Variants in SSBP2 observed in about 807,000 individuals in gnomAD.
SSBP2 encodes single-stranded DNA-binding protein 2.
A neutral mutation model predicts 61.8 loss-of-function variants in SSBP2; 17 were observed. The ratio of observed to expected loss-of-function variants is 0.28; its 90% CI spans 0.19 to 0.41. The LOEUF is 0.41. Among genes scored for constraint, SSBP2 ranks in the 10% least tolerant of loss-of-function variants. The probability of loss-of-function intolerance (pLI) is 1.00; values close to 1 mark genes in which losing one functional copy is unlikely to be tolerated. For synonymous variants in SSBP2, 139 were observed against 141.3 expected (o/e 0.98, Z 0.12); for missense variants, 310 against 458.7 (o/e 0.68, Z 2.96).
At chr5:81,594,191 C>A (rs1743453415) in intron 4 of SSBP2, among the ~76,000 whole-genome samples, 1 of 152,078 alleles carries the variant, frequency 6.6e-6, no homozygotes, top group African/African-American at 2.4e-5. Context: ...GGGTTGCAAT[C>A]CTAGTTTCTG....
intron 1 of SSBP2, among the ~76,000 whole-genome samples, chr5:81,749,373 T>A (rs1203693508): frequency 6.6e-6 from 1 of 152,218 alleles, no homozygotes; most frequent in Non-Finnish European, 1.5e-5. Flanking sequence ...GAATTGAGTG[T>A]GTTGCTGCCA....
intron 1 of SSBP2, among the ~76,000 whole-genome samples, chr5:81,711,632 T>C (rs1754781799): frequency 2.0e-5 from 3 of 151,580 alleles, no homozygotes; most frequent in African/African-American, 4.8e-5. Flanking sequence ...ATACTATTTA[T>C]GATAAATAAA....
At chr5:81,628,215 T>G (rs924637258) in intron 3 of SSBP2, among the ~76,000 whole-genome samples, 3 of 152,174 alleles carry the variant, frequency 2.0e-5, no homozygotes, top group African/African-American at 7.2e-5. Flanking sequence ...CAGATTCACA[T>G]GGCGACAGCA....
rs761645168 is a variant in SSBP2, at chr5:81,428,682, T to C, written c.959A>G (p.Asn320Ser). 1.9e-6 allele frequency: 3 copies of C among 1,611,034 alleles called. No individual in the cohort carries two copies. The highest frequency in any genetic ancestry group is 1.7e-5 in the Admixed American group (1 of 60,000). Residue 320 changes from asparagine to serine, a missense_variant and splice_region_variant, in exon 16 of 17, where the codon AAT becomes AGT. Physicochemically the swap from Asn to Ser is conservative, Grantham distance 46. Transcript: ENST00000320672. ...ACTCAGGCTCATATTATTGGGAGAA[T>C]TCTGTAAACAAGATTTAGAAAACAA...
chr5:81,725,282 C>T (rs920463083), intron 1 of SSBP2, among the ~76,000 whole-genome samples: 2 of 151,790 alleles, frequency 1.3e-5, no homozygotes, highest in African/African-American at 2.4e-5. Context: ...ACTAACCTCA[C>T]TAATAATCAG....
At chr5:81,750,891 A>G in intron 1 of SSBP2, 90 bp downstream of exon 1, 7 of 1,211,756 alleles carry the variant, frequency 5.8e-6, no homozygotes, top group Admixed American at 2.2e-5. Context: ...CCCCGGGCGG[A>G]GAGTGTCTGT....
rs1744453101 is a variant in SSBP2 at position 81,602,394 on chromosome 5, T to TG, written c.282+13078dup. 1.3e-5 allele frequency among the ~76,000 whole-genome samples: 2 copies of TG among 152,214 alleles called. 1 individual carries two copies. Among genetic ancestry groups the TG allele is most frequent in the South Asian group, 4.1e-4 (2 of 4,832 alleles). On this transcript the variant is annotated intron_variant, in intron 4 of 16. Transcript: ENST00000320672. Reference sequence around the variant, plus strand: ...CTCAGGCAGAAGTCCTTCTCTACCTTGGGCTCCCTGTGAGGCTGCTGTGGA... The same window carrying TG: ...CTCAGGCAGAAGTCCTTCTCTACCTTGGGGCTCCCTGTGAGGCTGCTGTGGA...
chr5:81,529,494 G>A (rs765483723), intron 4 of SSBP2, among the ~76,000 whole-genome samples: 3 of 152,228 alleles, frequency 2.0e-5, no homozygotes, highest in East Asian at 1.9e-4. Flanking sequence ...AGGCTCAACC[G>A]TCTTCATATT....
At chr5:81,696,711 C>T (rs754388997) in intron 1 of SSBP2, among the ~76,000 whole-genome samples, 3 of 152,110 alleles carry the variant, frequency 2.0e-5, no homozygotes, top group Non-Finnish European at 4.4e-5. Context: ...ATTTACATAC[C>T]ACCTTTTGAA....
At chr5:81,429,509 T>G (rs991410156) in intron 15 of SSBP2, among the ~76,000 whole-genome samples, 8 of 152,328 alleles carry the variant, frequency 5.3e-5, no homozygotes, top group African/African-American at 1.9e-4. Context: ...GACATTGGAC[T>G]ATAAACCATG....
intron 15 of SSBP2, among the ~76,000 whole-genome samples, chr5:81,433,592 TAAAAAAA>T (rs532034844): frequency 9.6e-6 from 1 of 104,006 alleles, no homozygotes; most frequent in Non-Finnish European, 2.2e-5. Context: ...GAATGATCAA[TAAAAAAA>T]AAAAAAAAAA....
chr5:81,721,634 C>G (rs1755549805), intron 1 of SSBP2, among the ~76,000 whole-genome samples: 1 of 152,030 alleles, frequency 6.6e-6, no homozygotes, highest in Admixed American at 6.6e-5. Flanking sequence ...AAAAACTAGG[C>G]AGCCATGAAG....
intron 6 of SSBP2, among the ~76,000 whole-genome samples, chr5:81,475,257 A>C (rs1033907149): frequency 1.3e-5 from 2 of 152,176 alleles, no homozygotes; most frequent in African/African-American, 2.4e-5. Flanking sequence ...ACATATACAT[A>C]AAATCCTGAC....
intron 2 of SSBP2, among the ~76,000 whole-genome samples, chr5:81,646,323 T>G (rs962613385): frequency 6.6e-6 from 1 of 152,206 alleles, no homozygotes; most frequent in Non-Finnish European, 1.5e-5. Flanking sequence ...AATGTTATAA[T>G]AATTGATAAC....
At chr5:81,713,072 T>C (rs898198682) in intron 1 of SSBP2, among the ~76,000 whole-genome samples, 10 of 151,768 alleles carry the variant, frequency 6.6e-5, no homozygotes, top group African/African-American at 1.2e-4. Flanking sequence ...GGATGAAGAG[T>C]CCACCAGATG....
At chr5:81,530,126 A>G (rs1353680072) in intron 4 of SSBP2, among the ~76,000 whole-genome samples, 1 of 152,070 alleles carries the variant, frequency 6.6e-6, no homozygotes, top group Admixed American at 6.6e-5. Context: ...CAGAGGAAGA[A>G]TAAGGATCCT....
At position 81,710,434 on chromosome 5, in the gene SSBP2, A is replaced by G. The variant is rs527565135; in HGVS notation, c.62+40547T>C. 7.2e-5 allele frequency among the ~76,000 whole-genome samples: 11 copies of G among 152,180 alleles called. No individual in the cohort carries two copies. In the East Asian group the frequency reaches 1.2e-3, roughly 16 times the overall value. On this transcript the variant is annotated intron_variant, in intron 1 of 16. Coordinates refer to ENST00000320672, the MANE Select transcript of SSBP2 (RefSeq NM_012446.5). ...GTGTTCCTCTTGGTTAGAAATGGGAAGATGATGAATTTTTAAATGTCATGA... is the reference window on the plus strand; with the variant it reads ...GTGTTCCTCTTGGTTAGAAATGGGAGGATGATGAATTTTTAAATGTCATGA...
intron 5 of SSBP2, among the ~76,000 whole-genome samples, chr5:81,507,333 T>G (rs1013886707): frequency 5.9e-5 from 9 of 152,206 alleles, no homozygotes; most frequent in African/African-American, 2.2e-4. Context: ...CATTAACATG[T>G]ATTTATAATC....
intron 4 of SSBP2, among the ~76,000 whole-genome samples, chr5:81,559,291 T>G (rs6866155): frequency 0.46 from 69,728 of 150,582 alleles, 20,650 homozygotes; most frequent in African/African-American, 0.85. Flanking sequence ...GGAGGCTGTG[T>G]CAGGAGAATT....
Sources: gnomAD v4.1 joint callset for allele counts (sites outside exome capture counted in the v4.1 genomes callset) on GRCh38, gnomAD v4.1.1 for gene constraint, MANE v1.5 for transcripts, NCBI Gene and HGNC (gene_info 2026-07-23, HGNC 2026-07-21) for gene names.